Variants in LDLRAD4 observed in about 807,000 individuals in gnomAD.
LDLRAD4 encodes low density lipoprotein receptor class A domain containing 4.
Under a neutral mutation model 17.0 loss-of-function variants are expected in LDLRAD4, and 5 were observed. The observed-to-expected ratio is 0.29, with a 90% CI of 0.15 to 0.62. The LOEUF (loss-of-function observed/expected upper bound fraction) is 0.62, where lower values mean the gene tolerates loss of function less well. LDLRAD4 is among the 20% of genes least tolerant of loss of function. The probability of loss-of-function intolerance (pLI) is 0.84; values close to 1 mark genes in which losing one functional copy is unlikely to be tolerated. For missense variants in LDLRAD4, 340 were observed against 424.7 expected (o/e 0.80, Z 1.75); for synonymous variants, 168 against 171.8 (o/e 0.98, Z 0.17).
chr18:13,633,345 A>G (rs2041832493), intron 4 of LDLRAD4, among the ~76,000 whole-genome samples: 1 of 152,222 alleles, frequency 6.6e-6, no homozygotes. Flanking sequence ...CTTGGCCCCC[A>G]TGCTTTAGGC....
chr18:13,250,061 T>C (rs61422385), intron 1 of LDLRAD4, among the ~76,000 whole-genome samples: 8,167 of 152,278 alleles, frequency 0.054, 521 homozygotes, highest in African/African-American at 0.15. Context: ...TGCCTAGCAC[T>C]ATTTATCGAA....
Position 13,225,973 on chromosome 18 carries a change from T to C in LDLRAD4, c.-467+6985T>C, listed in dbSNP as rs1485395895. 3.9e-5 allele frequency among the ~76,000 whole-genome samples: 6 copies of C among 152,266 alleles called. No homozygotes were observed. In the East Asian group the frequency reaches 1.2e-3, roughly 29 times the overall value. On this transcript the variant is annotated intron_variant, in intron 1 of 5. Transcript: ENST00000399848. ...CGGTTTTCTCTGTTATAAATATGAT[T>C]GCATTGAACGTCTTTAAACTTTTTT...
intron 4 of LDLRAD4, among the ~76,000 whole-genome samples, chr18:13,627,272 A>C (rs1294534203): frequency 6.6e-6 from 1 of 152,222 alleles, no homozygotes; most frequent in Non-Finnish European, 1.5e-5. Context: ...AAAATAAAAA[A>C]ATAAAAAATA....
In LDLRAD4 at chr18:13,538,075, T is replaced by C. The variant is rs188916787; in HGVS notation, c.182-83042T>C. 1.3e-3 allele frequency among the ~76,000 whole-genome samples: 194 copies of C among 152,320 alleles called. 1 individual carries two copies. Among genetic ancestry groups the C allele is most frequent in the Non-Finnish European group, 7.1e-4 (48 of 68,030 alleles). On this transcript the variant is annotated intron_variant, in intron 3 of 5. Transcript: ENST00000359446. ...AATTTATGTCTTCCCTGTTTTCTTC[T>C]TGCCAGTCTAGCTAGAGAACTTATC...
intron 1 of LDLRAD4, among the ~76,000 whole-genome samples, chr18:13,351,493 T>C (rs1464736729): frequency 6.6e-6 from 1 of 152,218 alleles, no homozygotes; most frequent in East Asian, 1.9e-4. Flanking sequence ...CCTGAGACTT[T>C]GCTGCAGTTG....
exon 6 of LDLRAD4, chr18:13,648,970 T>G (rs2043128359): frequency 6.6e-6 from 1 of 152,218 alleles, no homozygotes; most frequent in South Asian, 2.1e-4. Context: ...GTTCTTCTAT[T>G]TTTAGTGTCC....
intron 3 of LDLRAD4, among the ~76,000 whole-genome samples, chr18:13,557,948 C>A (rs900168244): frequency 6.6e-6 from 1 of 152,084 alleles, no homozygotes; most frequent in African/African-American, 2.4e-5. Context: ...TAAACAGGAA[C>A]AAAATCTAAT....
chr18:13,636,790 G>A (rs921384705), intron 4 of LDLRAD4, among the ~76,000 whole-genome samples: 1 of 147,940 alleles, frequency 6.8e-6, no homozygotes, highest in Non-Finnish European at 1.5e-5. Flanking sequence ...GTAAACCACC[G>A]CACCCAGCAA....
chr18:13,376,143 G>C (rs2084893710), intron 1 of LDLRAD4, among the ~76,000 whole-genome samples: 1 of 152,170 alleles, frequency 6.6e-6, no homozygotes, highest in African/African-American at 2.4e-5. Context: ...GCCCCTCCCT[G>C]CCTGTCCTCC....
At chr18:13,550,104 G>C (rs2094415826) in intron 3 of LDLRAD4, among the ~76,000 whole-genome samples, 1 of 152,154 alleles carries the variant, frequency 6.6e-6, no homozygotes, top group South Asian at 2.1e-4. Flanking sequence ...TGTCTACAAG[G>C]GGGCAATGGG....
intron 1 of LDLRAD4, among the ~76,000 whole-genome samples, chr18:13,341,063 A>G (rs1961389): frequency 0.066 from 10,027 of 152,110 alleles, 881 homozygotes; most frequent in African/African-American, 0.2. Context: ...TGGCATCTCT[A>G]TTCTATTCAG....
intron 3 of LDLRAD4, among the ~76,000 whole-genome samples, chr18:13,528,521 C>T (rs1188107530): frequency 1.3e-5 from 2 of 152,070 alleles, no homozygotes; most frequent in Admixed American, 6.5e-5. Context: ...CCATGTTAGC[C>T]GGGCTGGTCT....
At chr18:13,430,102 C>G (rs1212996499) in intron 2 of LDLRAD4, among the ~76,000 whole-genome samples, 1 of 151,958 alleles carries the variant, frequency 6.6e-6, no homozygotes, top group African/African-American at 2.4e-5. Flanking sequence ...AAAGAGCCTC[C>G]CGGCCCAGCC....
chr18:13,602,684 G>A (rs573883085), intron 3 of LDLRAD4, among the ~76,000 whole-genome samples: 1 of 152,052 alleles, frequency 6.6e-6, no homozygotes, highest in African/African-American at 2.4e-5. Flanking sequence ...CTGACCTTAA[G>A]TGATCTGCCC....
chr18:13,490,898 CT>C (rs1355876835), intron 3 of LDLRAD4, among the ~76,000 whole-genome samples: 7 of 152,238 alleles, frequency 4.6e-5, no homozygotes, highest in Admixed American at 4.6e-4. Context: ...TCTGCACCCC[CT>C]GTCCCCTTTA....
intron 1 of LDLRAD4, among the ~76,000 whole-genome samples, chr18:13,282,031 G>A (rs2045314338): frequency 6.6e-6 from 1 of 152,168 alleles, no homozygotes; most frequent in Admixed American, 6.5e-5. Flanking sequence ...GAGAGAATGA[G>A]GAAGAAGCAA....
intron 1 of LDLRAD4, among the ~76,000 whole-genome samples, chr18:13,308,228 A>G (rs888182640): frequency 6.6e-6 from 1 of 151,950 alleles, no homozygotes; most frequent in African/African-American, 2.4e-5. Flanking sequence ...CCGCCGCCCC[A>G]CACCTCTCCT....
intron 1 of LDLRAD4, among the ~76,000 whole-genome samples, chr18:13,263,437 C>G (rs920050348): frequency 1.3e-5 from 2 of 152,188 alleles, no homozygotes; most frequent in African/African-American, 4.8e-5. Flanking sequence ...CTCAGGGCAG[C>G]CTGGTGAGGA....
At chr18:13,233,860 C>CT (rs1372604070) in intron 1 of LDLRAD4, among the ~76,000 whole-genome samples, 1 of 152,078 alleles carries the variant, frequency 6.6e-6, no homozygotes, top group Non-Finnish European at 1.5e-5. Context: ...ATGTCTAAAA[C>CT]TGAACTCTTA....
Sources: allele counts gnomAD v4.1 joint callset (sites outside exome capture counted in the v4.1 genomes callset), GRCh38; gene constraint gnomAD v4.1.1; transcripts MANE v1.5; gene names NCBI Gene and HGNC (gene_info 2026-07-23, HGNC 2026-07-21).